The following RYR2 variants were observed in gnomAD, a reference collection of about 807,000 sequenced individuals.
RYR2 encodes ryanodine receptor 2.
A neutral mutation model predicts 601.1 loss-of-function variants in RYR2; 227 were observed. That is an observed-to-expected ratio of 0.38 (90% CI 0.34 to 0.42). The LOEUF (loss-of-function observed/expected upper bound fraction) is 0.42. Among genes scored for constraint, RYR2 ranks in the 10% least tolerant of loss-of-function variants. RYR2 has a pLI of 1.00. For synonymous variants in RYR2, 2,223 were observed against 2,175.1 expected (o/e 1.02, Z -0.61); for missense variants, 4,646 against 6,156.5 (o/e 0.75, Z 8.21).
chr1:237,608,429 T>TC (rs1677396033), intron 35 of RYR2, among the ~76,000 whole-genome samples: 2 of 152,118 alleles, frequency 1.3e-5, no homozygotes, highest in Non-Finnish European at 2.9e-5. Context: ...GGGGCTGGTC[T>TC]CAGTGGCTCA....
chr1:237,690,946 C>CA (rs1686888383), intron 63 of RYR2, among the ~76,000 whole-genome samples: 1 of 152,120 alleles, frequency 6.6e-6, no homozygotes, highest in African/African-American at 2.4e-5. Context: ...TGGATTTTTC[C>CA]AAACAGAGAG....
At chr1:237,648,364 G>A (rs780390011) in intron 48 of RYR2, 80 bp from the exon 49 acceptor site, 3 of 1,192,890 alleles carry the variant, frequency 2.5e-6, no homozygotes, top group Non-Finnish European at 3.4e-6. Context: ...TAAAATGTAA[G>A]AAGTCTAGAA....
chr1:237,673,452 TA>T (rs1558192316), intron 58 of RYR2, among the ~76,000 whole-genome samples: 1 of 152,192 alleles, frequency 6.6e-6, no homozygotes, highest in East Asian at 1.9e-4. Flanking sequence ...AGACTACTTT[TA>T]GTAAGTATTA....
intron 1 of RYR2, among the ~76,000 whole-genome samples, chr1:237,185,117 C>T (rs776522280): frequency 3.3e-5 from 5 of 151,882 alleles, no homozygotes; most frequent in African/African-American, 4.8e-5. Flanking sequence ...TCTCCCACCT[C>T]GGCCCCCCAA....
intron 62 of RYR2, 89 bp from the exon 63 acceptor site, chr1:237,687,366 C>CTTTTTTTTTTTTTTTTTTTTTTTT (rs10679267): frequency 1.5e-5 from 4 of 259,148 alleles, no homozygotes; most frequent in South Asian, 4.1e-5. Flanking sequence ...TTTTCTTCTT[C>CTTTTTTTTTTTTTTTTTTTTTTTT]TTTTTTTTTT....
chr1:237,187,791 G>A (rs1257181599), intron 1 of RYR2, among the ~76,000 whole-genome samples: 1 of 152,098 alleles, frequency 6.6e-6, no homozygotes, highest in African/African-American at 2.4e-5. Context: ...GAAAGCAGAT[G>A]GCAGAATCAC....
intron 2 of RYR2, among the ~76,000 whole-genome samples, chr1:237,305,989 G>T (rs1336292696): frequency 1.3e-5 from 2 of 152,196 alleles, no homozygotes; most frequent in Non-Finnish European, 2.9e-5. Flanking sequence ...TTTGGACTCA[G>T]TCTGCAAACT....
At chr1:237,257,645 A>G (rs1688122740) in intron 1 of RYR2, among the ~76,000 whole-genome samples, 1 of 152,172 alleles carries the variant, frequency 6.6e-6, no homozygotes, top group Non-Finnish European at 1.5e-5. Context: ...TTCTTCATGC[A>G]GTGTGCGTGC....
At chr1:237,375,950 T>C (rs1701000914) in intron 7 of RYR2, among the ~76,000 whole-genome samples, 2 of 152,188 alleles carry the variant, frequency 1.3e-5, no homozygotes. Flanking sequence ...GCTACTCTGT[T>C]TTTTCCCGTA....
At chr1:237,517,772 G>A (rs1007190754) in intron 24 of RYR2, among the ~76,000 whole-genome samples, 4 of 152,040 alleles carry the variant, frequency 2.6e-5, no homozygotes, top group Non-Finnish European at 5.9e-5. Flanking sequence ...TATAACAATT[G>A]ATAAACCTAC....
At chr1:237,703,173 T>A (rs1688099185) in intron 66 of RYR2, among the ~76,000 whole-genome samples, 1 of 152,026 alleles carries the variant, frequency 6.6e-6, no homozygotes, top group African/African-American at 2.4e-5. Flanking sequence ...TATGCCTGTA[T>A]TACAGGATTA....
intron 8 of RYR2, among the ~76,000 whole-genome samples, chr1:237,385,642 G>A (rs1320122238): frequency 6.6e-6 from 1 of 152,186 alleles, no homozygotes; most frequent in African/African-American, 2.4e-5. Flanking sequence ...TTCAGAGTTT[G>A]GTTAAAATCG....
At chr1:237,697,431 T>C (rs1472061953) in intron 63 of RYR2, among the ~76,000 whole-genome samples, 2 of 143,038 alleles carry the variant, frequency 1.4e-5, no homozygotes, top group Non-Finnish European at 3.0e-5. Flanking sequence ...TATATAATTA[T>C]ATAATATATA....
intron 1 of RYR2, among the ~76,000 whole-genome samples, chr1:237,144,119 ACT>A (rs1673706730): frequency 6.6e-6 from 1 of 151,632 alleles, no homozygotes; most frequent in African/African-American, 2.4e-5. Context: ...ACAAAGTGAG[ACT>A]CTGTCTCAAA....
intron 1 of RYR2, among the ~76,000 whole-genome samples, chr1:237,240,622 AAATAT>A (rs1450938436): frequency 6.8e-6 from 1 of 147,986 alleles, no homozygotes; most frequent in East Asian, 2.0e-4. Context: ...TTTTATATTT[AAATAT>A]AATAAGTCAA....
intron 29 of RYR2, among the ~76,000 whole-genome samples, chr1:237,577,746 G>C (rs1433564393): frequency 6.6e-6 from 1 of 152,124 alleles, no homozygotes; most frequent in Non-Finnish European, 1.5e-5. Context: ...AACAGGTGAT[G>C]ATGAGAGTGT....
intron 87 of RYR2, among the ~76,000 whole-genome samples, chr1:237,777,323 A>T (rs1256054718): frequency 1.3e-5 from 2 of 152,120 alleles, no homozygotes; most frequent in Non-Finnish European, 2.9e-5. Context: ...GAGAATACAT[A>T]GTCAGTATCT....
intron 1 of RYR2, among the ~76,000 whole-genome samples, chr1:237,198,700 A>G (rs1454884654): frequency 6.6e-6 from 1 of 152,182 alleles, no homozygotes; most frequent in Non-Finnish European, 1.5e-5. Flanking sequence ...TAATCTTCCC[A>G]TTGGATTCAG....
chr1:237,637,567 C>T (rs1681003006), intron 44 of RYR2, among the ~76,000 whole-genome samples: 1 of 152,164 alleles, frequency 6.6e-6, no homozygotes, highest in South Asian at 2.1e-4. Context: ...CTGATTTGAA[C>T]CAAGGATGTT....
Sources: allele counts gnomAD v4.1 joint callset (sites outside exome capture counted in the v4.1 genomes callset), GRCh38; gene constraint gnomAD v4.1.1; transcripts MANE v1.5; gene names NCBI Gene and HGNC (gene_info 2026-07-23, HGNC 2026-07-21).